ADGRA2: variants seen among roughly 807,000 people sequenced by gnomAD.
ADGRA2 encodes G-protein coupled receptor 124.
ADGRA2 carries 61 observed loss-of-function variants against 98.7 expected under a neutral mutation model. The observed-to-expected ratio is 0.62, with a 90% confidence interval of 0.50 to 0.76. The LOEUF is 0.76. Among genes scored for constraint, ADGRA2 ranks in the 30% least tolerant of loss-of-function variants. The probability of loss-of-function intolerance (pLI) is 0.00; values close to 1 mark genes in which losing one functional copy is unlikely to be tolerated. For synonymous variants in ADGRA2, 858 were observed against 831.5 expected (o/e 1.03, Z -0.55); for missense variants, 1,712 against 1,860.0 (o/e 0.92, Z 1.46).
At chr8:37,810,149 C>T (rs1804783394) in intron 1 of ADGRA2, among the ~76,000 whole-genome samples, 4 of 151,992 alleles carry the variant, frequency 2.6e-5, no homozygotes, top group Admixed American at 2.0e-4. Flanking sequence ...ATTTTGGATA[C>T]ATTGAGTTAG....
Position 37,842,045 on chromosome 8 carries a change from A to G in ADGRA2, c.3707A>G (p.Asn1236Ser). The change falls in exon 19 of 19, where the codon AAC becomes AGC. Residue 1236 changes from asparagine to serine, a missense_variant. By Grantham distance (46) the Asn-to-Ser change is conservative. Transcript: ENST00000412232. ...GACAGCTACCTGGGCAGCAGCCGCA[A>G]CAGCCCGGGCGCCGGCCTGCAGCTG... The part of the protein sequence containing the change: ...PTDSYLGSSR[N>S]SPGAGLQLEG... 6.6e-7 allele frequency: 1 copy of G among 1,519,292 alleles called. No individual in the cohort carries two copies. Among genetic ancestry groups the G allele is most frequent in the Non-Finnish European group, 8.8e-7 (1 of 1,140,924 alleles). 94.1% of individuals were successfully genotyped at this position (1,519,292 alleles called of 1,614,324 possible).
Position 37,804,108 on chromosome 8 carries a change from C to G in ADGRA2, c.266+6574C>G, listed in dbSNP as rs1021750615. ...CAGCCTGCCCACGGTGAGACACACA[C>G]ACACACACACACACACACACACACA... On this transcript the variant is annotated intron_variant, in intron 1 of 18. Transcript: ENST00000412232. 1.1e-3 allele frequency among the ~76,000 whole-genome samples: 158 copies of G among 138,388 alleles called. 4 individuals are homozygous for G. Among genetic ancestry groups the G allele is most frequent in the African/African-American group, 4.2e-3 (151 of 35,798 alleles). 90.8% of individuals were successfully genotyped at this position (138,388 alleles called of 152,430 possible).
rs113575427 is a variant in ADGRA2 at position 37,844,088 on chromosome 8, G to A, written c.*1733G>A. On this transcript the variant is annotated 3_prime_UTR_variant, in exon 19 of 19. Coordinates refer to ENST00000412232, the MANE Select transcript of ADGRA2 (RefSeq NM_032777.10). ...GTAGGGCCAGAATTCCCCAGTTCCC[G>A]CTCCTCTGAGGGTTGATACTGCTGG... The A allele has an allele frequency of 4.5e-3, 894 of 196,636 alleles. 9 individuals are homozygous for A. Among genetic ancestry groups the A allele is most frequent in the African/African-American group, 0.02 (864 of 43,790 alleles). 12.2% of individuals were successfully genotyped at this position (196,636 alleles called of 1,614,324 possible).
At position 37,844,286 on chromosome 8, in the gene ADGRA2, G is replaced by A. The variant is rs1462849263; in HGVS notation, c.*1931G>A. ...GGCAACTTGCTCTCCCACACCAAGGGATGGGAATCTCTCCTACCTATAGTC... is the reference window on the plus strand; with the variant it reads ...GGCAACTTGCTCTCCCACACCAAGGAATGGGAATCTCTCCTACCTATAGTC... On this transcript the variant is annotated 3_prime_UTR_variant, in exon 19 of 19. Transcript: ENST00000412232. 1 of 603,156 alleles carries A rather than the reference G, an allele frequency of 1.7e-6. No individual in the cohort carries two copies. Among genetic ancestry groups the A allele is most frequent in the Non-Finnish European group, 2.9e-6 (1 of 341,132 alleles). The allele number at this position is 603,156 out of a possible 1,614,324, so 37.4% of individuals were successfully genotyped here.
chr8:37,806,785 C>T (rs1485621013), intron 1 of ADGRA2, among the ~76,000 whole-genome samples: 3 of 152,060 alleles, frequency 2.0e-5, no homozygotes, highest in Non-Finnish European at 4.4e-5. Context: ...CCACCTTGTC[C>T]TCCCAAAGTG....
Position 37,839,468 on chromosome 8 carries a change from C to G in ADGRA2, c.2388-31C>G, listed in dbSNP as rs368960055. 3.1e-6 allele frequency: 5 copies of G among 1,612,696 alleles called. No homozygotes were observed. In the East Asian group the frequency reaches 1.1e-4, roughly 36 times the overall value. Reference sequence around the variant, plus strand: ...CCCATGGGCCTGACCTTGGGTTGGACGGCCATTAATTCGAGACTGTTTCCG... The same window carrying G: ...CCCATGGGCCTGACCTTGGGTTGGAGGGCCATTAATTCGAGACTGTTTCCG... On this transcript the variant is annotated intron_variant, in intron 15 of 18. Transcript: ENST00000412232.
intron 16 of ADGRA2, 93 bp downstream of exon 16, chr8:37,839,715 G>C: frequency 6.8e-7 from 1 of 1,478,616 alleles, no homozygotes; most frequent in South Asian, 1.2e-5. Context: ...GAAAAAGGCT[G>C]GTGCTCATAG....
At chr8:37,801,818 G>A (rs1804515441) in intron 1 of ADGRA2, among the ~76,000 whole-genome samples, 1 of 152,194 alleles carries the variant, frequency 6.6e-6, no homozygotes, top group African/African-American at 2.4e-5. Flanking sequence ...TGAGGGCCTC[G>A]CTGCTCACCT....
Position 37,835,658 on chromosome 8 carries a change from C to T in ADGRA2, c.1938C>T (p.Leu646=), listed in dbSNP as rs139344376. The change falls in exon 13 of 19, where the codon CTC becomes CTT. Residue 646 remains leucine, a synonymous_variant. Transcript: ENST00000412232. The part of the protein sequence containing the change: ...PVPPDCTLQL[L]VFRNGRLFHS... The stretch of plus-strand genomic sequence containing the variant: ...CCCCAGACTGCACCCTGCAACTGCT[C>T]GTCTTCCGAAATGGCCGCCTCTTCC... 1.2e-3 allele frequency: 1,981 copies of T among 1,613,692 alleles called. 21 individuals are homozygous for T. The African/African-American group carries it at 0.02, about 16-fold the overall frequency.
chr8:37,811,119 CA>C (rs1158782949), intron 1 of ADGRA2, among the ~76,000 whole-genome samples: 2,577 of 68,586 alleles, frequency 0.038, 32 homozygotes, highest in African/African-American at 0.11. Context: ...GTCTCAAAAA[CA>C]AAAAAAAAAA....
chr8:37,829,434 G>T, intron 4 of ADGRA2, 54 bp from the exon 5 acceptor site: 2 of 1,547,212 alleles, frequency 1.3e-6, no homozygotes, highest in Non-Finnish European at 1.8e-6. Context: ...GCTCTCCTCC[G>T]CCGGCCCATG....
chr8:37,804,100 GACACACACACACACAC>G (rs60565183), intron 1 of ADGRA2, among the ~76,000 whole-genome samples: 106 of 107,196 alleles, frequency 9.9e-4, no homozygotes, highest in African/African-American at 3.3e-3. Flanking sequence ...CCCACGGTGA[GACACACACACACACAC>G]ACACACACAC....
At position 37,814,886 on chromosome 8, in the gene ADGRA2, G is replaced by GTC; in HGVS notation, c.267-6_267-5dup. On this transcript the variant is annotated splice_polypyrimidine_tract_variant and intron_variant, in intron 1 of 18. Transcript: ENST00000412232. This position sits in a 1 kb window ranked among gnomAD's most constrained non-coding sequence, Gnocchi z 4.3. The stretch of plus-strand genomic sequence containing the variant: ...ACCTTGTCCTGTCTGTGTCCTCTCT[G>GTC]TCTCTTCAGGCTCTTGAGCAATAAC... 1 of 1,605,604 alleles carries GTC rather than the reference G, an allele frequency of 6.2e-7. No individual in the cohort carries two copies. Among genetic ancestry groups the GTC allele is most frequent in the Non-Finnish European group, 8.5e-7 (1 of 1,172,242 alleles).
At chr8:37,828,505 G>C (rs1316988822) in intron 2 of ADGRA2, among the ~76,000 whole-genome samples, 1 of 19,906 alleles carries the variant, frequency 5.0e-5, no homozygotes, top group Non-Finnish European at 1.1e-4. Context: ...TTTTTTTTTT[G>C]AGATGGAGTC....
At chr8:37,824,179 G>C (rs1476433449) in intron 2 of ADGRA2, among the ~76,000 whole-genome samples, 1 of 151,624 alleles carries the variant, frequency 6.6e-6, no homozygotes, top group Non-Finnish European at 1.5e-5. Flanking sequence ...TTACAGGCAT[G>C]CGCCACCACG....
chr8:37,835,028 A>G, intron 11 of ADGRA2, 146 bp from the exon 12 acceptor site: 1 of 507,904 alleles, frequency 2.0e-6, no homozygotes. Flanking sequence ...GTTCCTCTAA[A>G]AAAAAAAAGA....
rs140910422 is a variant in ADGRA2, at chr8:37,835,370, A to G, written c.1805A>G (p.Asn602Ser). ...LRFRCTTGRP[N>S]VSLSSFHIKN... ...TTCCGCTGCACCACCGGGAGGCCCA[A>G]TGTTTCTCTGTCGTCCTTCCACATC... Residue 602 changes from asparagine (N) to serine (S), a missense_variant, in exon 12 of 19, where the codon AAT becomes AGT. By Grantham distance (46) the Asn-to-Ser change is conservative. Coordinates refer to ENST00000412232, the MANE Select transcript of ADGRA2 (RefSeq NM_032777.10). 67 of 1,608,180 alleles carry G rather than the reference A, an allele frequency of 4.2e-5. No homozygotes were observed. The African/African-American group carries it at 5.6e-4, about 14-fold the overall frequency.
intron 17 of ADGRA2, 139 bp downstream of exon 17, chr8:37,840,405 C>T (rs748789006): frequency 2.3e-6 from 2 of 883,796 alleles, no homozygotes; most frequent in East Asian, 2.5e-5. Context: ...AGGCCCTAGA[C>T]TCAGCAGGTC....
chr8:37,803,839 C>A (rs556417255), intron 1 of ADGRA2, among the ~76,000 whole-genome samples: 2 of 152,086 alleles, frequency 1.3e-5, no homozygotes, highest in African/African-American at 4.8e-5. Context: ...GGAGGGAGTT[C>A]CAGCCTCAAC....
Sources: gnomAD v4.1 joint callset for allele counts (sites outside exome capture counted in the v4.1 genomes callset) on GRCh38, gnomAD v4.1.1 for gene constraint, Gnocchi (gnomAD v3.1) non-coding constraint, MANE v1.5 for transcripts, NCBI Gene and HGNC (gene_info 2026-07-23, HGNC 2026-07-21) for gene names.